Variants in PTCHD4 observed in about 807,000 individuals in gnomAD.
The protein encoded by PTCHD4 is patched domain containing 4.
In PTCHD4, 33 loss-of-function variants were observed where a neutral mutation model predicts 58.1. The ratio of observed to expected loss-of-function variants is 0.57; its 90% CI spans 0.43 to 0.76. The LOEUF (loss-of-function observed/expected upper bound fraction) is 0.76. Among genes scored for constraint, PTCHD4 ranks in the 30% least tolerant of loss-of-function variants. The probability of loss-of-function intolerance (pLI) is 0.00; values close to 1 mark genes in which losing one functional copy is unlikely to be tolerated. For synonymous variants in PTCHD4, 478 were observed against 409.6 expected, an observed-to-expected ratio of 1.17 and a Z score of -2.02; for missense variants, 1,058 against 1,027.1, an observed-to-expected ratio of 1.03 and a Z score of -0.41.
At chr6:47,966,277 A>T (rs1245449895) in intron 4 of PTCHD4, among the ~76,000 whole-genome samples, 5 of 152,224 alleles carry the variant, frequency 3.3e-5, no homozygotes, top group Non-Finnish European at 2.9e-5. Flanking sequence ...TGCATATAAA[A>T]ATATGTTTGC....
At chr6:48,031,382 G>A (rs538297428) in intron 3 of PTCHD4, among the ~76,000 whole-genome samples, 10 of 152,188 alleles carry the variant, frequency 6.6e-5, no homozygotes, top group South Asian at 2.1e-4. Flanking sequence ...TGTACTCAGC[G>A]TTGGGCCCAA....
At chr6:48,043,092 C>T (rs1025345389) in intron 3 of PTCHD4, among the ~76,000 whole-genome samples, 1 of 151,786 alleles carries the variant, frequency 6.6e-6, no homozygotes, top group Non-Finnish European at 1.5e-5. Context: ...AACATTAGAG[C>T]TGGGAGAAAT....
At chr6:47,977,377 C>T (rs1767731070) in intron 4 of PTCHD4, among the ~76,000 whole-genome samples, 1 of 152,144 alleles carries the variant, frequency 6.6e-6, no homozygotes, top group Non-Finnish European at 1.5e-5. Context: ...CTCTTGAGGG[C>T]TTTGATGAAG....
chr6:47,940,685 C>T (rs1363743751), intron 4 of PTCHD4, among the ~76,000 whole-genome samples: 1 of 152,162 alleles, frequency 6.6e-6, no homozygotes, highest in Non-Finnish European at 1.5e-5. Flanking sequence ...AGAAACAGCA[C>T]TTTGAAAAAT....
intron 4 of PTCHD4, among the ~76,000 whole-genome samples, chr6:47,915,771 G>A (rs902798092): frequency 2.6e-5 from 4 of 151,952 alleles, no homozygotes; most frequent in African/African-American, 7.2e-5. Flanking sequence ...GCATTGCCCC[G>A]TACTGGCACA....
intron 3 of PTCHD4, among the ~76,000 whole-genome samples, chr6:48,018,229 G>A (rs1025419827): frequency 1.1e-4 from 17 of 152,134 alleles, no homozygotes; most frequent in Admixed American, 5.2e-4. Context: ...CTATACCGCC[G>A]GGTGACAGAA....
At chr6:48,002,007 A>G (rs1487664058) in intron 4 of PTCHD4, among the ~76,000 whole-genome samples, 2 of 152,256 alleles carry the variant, frequency 1.3e-5, no homozygotes, top group African/African-American at 2.4e-5. Context: ...ACACATGAAA[A>G]AATGTTCATC....
At chr6:47,906,421 C>T (rs2114157668) in intron 4 of PTCHD4, among the ~76,000 whole-genome samples, 1 of 152,132 alleles carries the variant, frequency 6.6e-6, no homozygotes, top group South Asian at 2.1e-4. Context: ...CAGCATGAGA[C>T]ATATTGCAAA....
chr6:48,095,743 A>AC (rs1433459200), intron 1 of PTCHD4, among the ~76,000 whole-genome samples: 1 of 151,848 alleles, frequency 6.6e-6, no homozygotes, highest in African/African-American at 2.4e-5. Context: ...AAAAAAAAAA[A>AC]AAAACAAATA....
At chr6:48,067,870 T>C (rs1291762745) in intron 3 of PTCHD4, among the ~76,000 whole-genome samples, 1 of 152,186 alleles carries the variant, frequency 6.6e-6, no homozygotes, top group Non-Finnish European at 1.5e-5. Context: ...TTGAATTTCT[T>C]AATATCTAGT....
rs531382166 is a variant in PTCHD4, at chr6:47,874,490, A to G, written c.*3813T>C. On this transcript the variant is annotated 3_prime_UTR_variant, in exon 5 of 5. Coordinates refer to ENST00000339488, the MANE Select transcript of PTCHD4 (RefSeq NM_001384253.1). ...ATATTTACAGTCAACTTATAAAAATACATGTAATTCTGAATGGCAATAGTT... is the reference window on the plus strand; with the variant it reads ...ATATTTACAGTCAACTTATAAAAATGCATGTAATTCTGAATGGCAATAGTT... Among the ~76,000 whole-genome samples, 4 of 151,922 alleles carry G rather than the reference A, an allele frequency of 2.6e-5. No individual in the cohort carries two copies. The highest frequency in any genetic ancestry group is 6.6e-5 in the Admixed American group (1 of 15,216).
rs1026145868 is a variant in PTCHD4, at chr6:47,876,812, C to G, written c.*1491G>C. Among the ~76,000 whole-genome samples, 1 of 151,996 alleles carries G rather than the reference C, an allele frequency of 6.6e-6. No individual in the cohort carries two copies. On this transcript the variant is annotated 3_prime_UTR_variant, in exon 5 of 5. Coordinates refer to ENST00000339488, the MANE Select transcript of PTCHD4 (RefSeq NM_001384253.1). The stretch of plus-strand genomic sequence containing the variant: ...CACAGCAATAGTCCAAGTAAGCACC[C>G]AACAGGTGCTTGGGAGTAGTTTTAA...
In PTCHD4 at chr6:47,878,633, T is replaced by C. The variant is rs370183446; in HGVS notation, c.2202A>G (p.Val734=). Residue 734 remains valine (V), a synonymous_variant, in exon 5 of 5, where the codon GTA becomes GTG. Coordinates refer to ENST00000339488, the MANE Select transcript of PTCHD4 (RefSeq NM_001384253.1). The part of the protein sequence containing the change: ...DHCAPLLFTF[V]LATEHTRTQC... The stretch of plus-strand genomic sequence containing the variant: ...GTGTTCGGGTGTGCTCAGTTGCTAA[T>C]ACAAATGTGAAAAGCAGTGGTGCAC... The C allele has an allele frequency of 6.2e-7, 1 of 1,613,628 alleles. No homozygotes were observed. Among genetic ancestry groups the C allele is most frequent in the Non-Finnish European group, 8.5e-7 (1 of 1,179,748 alleles).
Position 48,068,545 on chromosome 6 carries a change from G to A in PTCHD4, c.102C>T (p.Cys34=), listed in dbSNP as rs368733578. ...GGAAAAAGACCGGGTGCCGGCTCAC[G>A]CACAAACCCAGCCTGTGGCAGAACG... is the stretch of plus-strand genomic sequence containing the variant. ...LQSFCHRLGL[C]VSRHPVFFLT... Residue 34 remains cysteine (C), a synonymous_variant, in exon 3 of 5, where the codon TGC becomes TGT. Transcript: ENST00000339488. The surrounding 1 kb of genome is among the most constrained non-coding windows in gnomAD (Gnocchi z 4.2). 134 of 1,605,948 alleles carry A rather than the reference G, an allele frequency of 8.3e-5. No individual in the cohort carries two copies. Among genetic ancestry groups the A allele is most frequent in the Non-Finnish European group, 1.1e-4 (125 of 1,178,128 alleles).
At chr6:47,957,767 A>T (rs981463725) in intron 4 of PTCHD4, among the ~76,000 whole-genome samples, 1 of 147,182 alleles carries the variant, frequency 6.8e-6, no homozygotes. Flanking sequence ...TGCCCGGCTA[A>T]TTTTTTTTTT....
chr6:48,085,910 A>T (rs957633835), intron 1 of PTCHD4, among the ~76,000 whole-genome samples: 1 of 152,162 alleles, frequency 6.6e-6, no homozygotes, highest in African/African-American at 2.4e-5. Flanking sequence ...TTGCTTAAAA[A>T]ACAAACTTTT....
chr6:48,032,399 T>G (rs374558079), intron 3 of PTCHD4, among the ~76,000 whole-genome samples: 12 of 152,048 alleles, frequency 7.9e-5, no homozygotes, highest in Non-Finnish European at 1.6e-4. Context: ...TAGCTCGCTC[T>G]CTCTCTCCCT....
At position 47,956,249 on chromosome 6, in the gene PTCHD4, C is replaced by T. The variant is rs535910759; in HGVS notation, c.898+52385G>A. Among the ~76,000 whole-genome samples the T allele has an allele frequency of 3.9e-5, 6 of 152,210 alleles. 1 individual carries two copies. The South Asian group carries it at 1.2e-3, about 32-fold the overall frequency. On this transcript the variant is annotated intron_variant, in intron 4 of 4. Coordinates refer to ENST00000339488, the MANE Select transcript of PTCHD4 (RefSeq NM_001384253.1). Reference sequence around the variant, plus strand: ...TGTGTAACAATAACTAATATTTAGTCAGTGCTTAATATGTGCCAGCTTCTG... The same window carrying T: ...TGTGTAACAATAACTAATATTTAGTTAGTGCTTAATATGTGCCAGCTTCTG...
chr6:48,070,784 T>C (rs1764962734), intron 1 of PTCHD4, among the ~76,000 whole-genome samples: 1 of 152,220 alleles, frequency 6.6e-6, no homozygotes, highest in African/African-American at 2.4e-5. Flanking sequence ...CATGCCACTG[T>C]CAGATCTTTT....
Sources: gnomAD v4.1 joint callset for allele counts (sites outside exome capture counted in the v4.1 genomes callset) on GRCh38, gnomAD v4.1.1 for gene constraint, Gnocchi (gnomAD v3.1) non-coding constraint, MANE v1.5 for transcripts, NCBI Gene and HGNC (gene_info 2026-07-23, HGNC 2026-07-21) for gene names.